MIS18A: variants seen among roughly 807,000 people sequenced by gnomAD.
MIS18A encodes the protein MIS18 kinetochore protein A, also known as protein Mis18-alpha.
MIS18A carries 14 observed loss-of-function variants against 25.0 expected under a neutral mutation model. The ratio of observed to expected loss-of-function variants is 0.56; its 90% confidence interval spans 0.37 to 0.88. MIS18A has a LOEUF of 0.88. MIS18A is among the 40% of genes least tolerant of loss of function. The pLI is 0.00. For synonymous variants in MIS18A, 134 were observed against 118.6 expected (o/e 1.13, Z -0.84); for missense variants, 292 against 290.8 (o/e 1.00, Z -0.03).
chr21:32,262,691 TAA>T, the MIS18A span, among the ~76,000 whole-genome samples: 1 of 152,088 alleles, frequency 6.6e-6, no homozygotes, highest in Non-Finnish European at 1.5e-5. Context: ...TAAAATTAGA[TAA>T]GAGAAGAACT....
chr21:32,155,031 G>A, the MIS18A span, among the ~76,000 whole-genome samples: 2 of 152,076 alleles, frequency 1.3e-5, no homozygotes, highest in African/African-American at 4.8e-5. Context: ...GCACTGCTCT[G>A]AAAAATTAAA....
chr21:32,178,050 C>T, the MIS18A span, among the ~76,000 whole-genome samples: 21 of 151,894 alleles, frequency 1.4e-4, no homozygotes, highest in Non-Finnish European at 4.4e-5. Flanking sequence ...GAGTAGCTAG[C>T]TGAGATCACA....
chr21:32,246,384 GCCTCTGAGTCT>G, the MIS18A span, among the ~76,000 whole-genome samples: 1 of 152,078 alleles, frequency 6.6e-6, no homozygotes, highest in Admixed American at 6.5e-5. Flanking sequence ...TTCTTCCCTG[GCCTCTGAGTCT>G]CTGGTTTCTG....
chr21:32,195,190 T>C, the MIS18A span, among the ~76,000 whole-genome samples: 2 of 152,250 alleles, frequency 1.3e-5, no homozygotes, highest in Admixed American at 6.5e-5. Context: ...ACTTTTAACA[T>C]GCTGAAGAGC....
At chr21:32,266,338 A>G (rs2031599941), downstream of MIS18A, among the ~76,000 whole-genome samples, 2 of 152,186 alleles carry the variant, frequency 1.3e-5, no homozygotes, top group African/African-American at 4.8e-5. Flanking sequence ...GGCTCTACCA[A>G]TCAGCAGGAT....
chr21:32,163,690 C>T, the MIS18A span, among the ~76,000 whole-genome samples: 3 of 152,142 alleles, frequency 2.0e-5, no homozygotes, highest in South Asian at 2.1e-4. Flanking sequence ...GGAGAAGCTA[C>T]GTCTATTGCT....
the MIS18A span, among the ~76,000 whole-genome samples, chr21:32,173,560 A>G: frequency 6.6e-6 from 1 of 152,240 alleles, no homozygotes; most frequent in African/African-American, 2.4e-5. Flanking sequence ...CCATCAATGG[A>G]TGAATAAACA....
At chr21:32,181,595 A>G in the MIS18A span, among the ~76,000 whole-genome samples, 1 of 152,154 alleles carries the variant, frequency 6.6e-6, no homozygotes, top group Admixed American at 6.5e-5. Context: ...AGCCAGGGAA[A>G]CTGCCCCGCC....
the MIS18A span, among the ~76,000 whole-genome samples, chr21:32,238,294 C>T: frequency 6.6e-6 from 1 of 152,154 alleles, no homozygotes; most frequent in Non-Finnish European, 1.5e-5. Context: ...AATAACCCCC[C>T]AAATCTCAGT....
chr21:32,252,910 G>A, the MIS18A span, among the ~76,000 whole-genome samples: 6 of 152,162 alleles, frequency 3.9e-5, no homozygotes, highest in African/African-American at 9.7e-5. Context: ...CTCCCACTTC[G>A]GGGTCTGATG....
downstream of MIS18A, among the ~76,000 whole-genome samples, chr21:32,264,957 G>A (rs945529854): frequency 6.6e-6 from 1 of 152,182 alleles, no homozygotes; most frequent in Non-Finnish European, 1.5e-5. Context: ...CAGGCACAAT[G>A]TTCTACAAAC....
the MIS18A span, among the ~76,000 whole-genome samples, chr21:32,236,522 T>C: frequency 1.3e-5 from 2 of 152,180 alleles, no homozygotes; most frequent in African/African-American, 4.8e-5. Context: ...AAGTCCAGGC[T>C]AGTATGGCAG....
At chr21:32,272,846 C>G (rs2031738128) in intron 2 of MIS18A, among the ~76,000 whole-genome samples, 1 of 152,116 alleles carries the variant, frequency 6.6e-6, no homozygotes, top group Non-Finnish European at 1.5e-5. Flanking sequence ...ATGGCTAGAG[C>G]TAGAGCTAGA....
chr21:32,274,929 A>G (rs368845437), intron 1 of MIS18A, 33 bp from the exon 2 acceptor site: 7 of 1,550,462 alleles, frequency 4.5e-6, no homozygotes, highest in Non-Finnish European at 5.3e-6. Flanking sequence ...TAATTTATTA[A>G]TGTAGTTCGT....
the MIS18A span, among the ~76,000 whole-genome samples, chr21:32,211,102 G>A: frequency 1.3e-5 from 2 of 152,094 alleles, no homozygotes; most frequent in African/African-American, 2.4e-5. Context: ...GGGCAGTGGC[G>A]CGACATGAGC....
chr21:32,208,528 C>T, the MIS18A span, among the ~76,000 whole-genome samples: 17 of 152,322 alleles, frequency 1.1e-4, 1 homozygote, highest in South Asian at 2.9e-3. Flanking sequence ...ATGCCAACAC[C>T]ATGCTTCCTA....
At chr21:32,207,976 C>T in the MIS18A span, among the ~76,000 whole-genome samples, 2 of 152,210 alleles carry the variant, frequency 1.3e-5, no homozygotes, top group African/African-American at 2.4e-5. Flanking sequence ...GAACAAGGCA[C>T]GCTGCATTTT....
At chr21:32,174,271 C>T in the MIS18A span, among the ~76,000 whole-genome samples, 5 of 151,944 alleles carry the variant, frequency 3.3e-5, no homozygotes, top group African/African-American at 1.2e-4. Flanking sequence ...ATTTTTAATA[C>T]CAAAAATTGT....
chr21:32,197,857 T>C, the MIS18A span: 1 of 152,232 alleles, frequency 6.6e-6, no homozygotes, highest in African/African-American at 2.4e-5. Flanking sequence ...AGGCTTCAGT[T>C]GTTTTTAGTG....
Sources: gnomAD v4.1 joint callset for allele counts (sites outside exome capture counted in the v4.1 genomes callset) on GRCh38, gnomAD v4.1.1 for gene constraint, MANE v1.5 for transcripts, NCBI Gene and HGNC (gene_info 2026-07-23, HGNC 2026-07-21) for gene names.